Variants in VIPR1 observed in about 807,000 individuals in gnomAD.
The protein encoded by VIPR1 is vasoactive intestinal polypeptide receptor 1.
A neutral mutation model predicts 58.8 loss-of-function variants in VIPR1; 59 were observed. The observed-to-expected ratio is 1.00, with a 90% CI of 0.81 to 1.25. The LOEUF (loss-of-function observed/expected upper bound fraction) is 1.25, where lower values mean the gene tolerates loss of function less well. Ranked by LOEUF, VIPR1 falls within the 50% of genes most tolerant of loss-of-function variation. The probability of loss-of-function intolerance (pLI) is 0.00; values close to 1 mark genes in which losing one functional copy is unlikely to be tolerated. For synonymous variants in VIPR1, 251 were observed against 242.1 expected (o/e 1.04, Z -0.34); for missense variants, 626 against 602.7 (o/e 1.04, Z -0.40).
upstream of VIPR1, among the ~76,000 whole-genome samples, chr3:42,501,493 A>G (rs1699868244): frequency 6.6e-6 from 1 of 151,990 alleles, no homozygotes; most frequent in Admixed American, 6.5e-5. The surrounding 1 kb of genome is among the most constrained non-coding windows in gnomAD (Gnocchi z 4.8). Flanking sequence ...CCGCGACCAC[A>G]TCTCCAGCCT....
At chr3:42,534,909 C>A in intron 10 of VIPR1, 66 bp from the exon 11 acceptor site, 2 of 1,583,548 alleles carry the variant, frequency 1.3e-6, no homozygotes, top group Non-Finnish European at 8.6e-7. Flanking sequence ...TGCCCCCATG[C>A]CACACCCTAT....
chr3:42,519,540 C>T (rs770063095), intron 3 of VIPR1: 1 of 461,206 alleles, frequency 2.2e-6, no homozygotes, highest in East Asian at 3.6e-5. Flanking sequence ...GTGGGAAAGG[C>T]TCACTAAATA....
intron 5 of VIPR1, chr3:42,527,780 G>A (rs1701312598): frequency 1.5e-5 from 11 of 712,760 alleles, no homozygotes; most frequent in Non-Finnish European, 1.4e-5. Flanking sequence ...CCACACACGA[G>A]GTTGAGGCCC....
chr3:42,492,016 G>C (rs1699674708), intron 1 of VIPR1, among the ~76,000 whole-genome samples: 1 of 152,172 alleles, frequency 6.6e-6, no homozygotes, highest in African/African-American at 2.4e-5. Context: ...GATGACCTGA[G>C]ACTGCAAGCA....
intron 1 of VIPR1, among the ~76,000 whole-genome samples, chr3:42,510,822 A>C (rs998395313): frequency 6.6e-6 from 1 of 152,134 alleles, no homozygotes; most frequent in African/African-American, 2.4e-5. Context: ...CCTCTAAGGA[A>C]GGGCTGTGTG....
chr3:42,491,407 A>G (rs1699662654), intron 1 of VIPR1, among the ~76,000 whole-genome samples: 2 of 152,214 alleles, frequency 1.3e-5, no homozygotes, highest in Non-Finnish European at 2.9e-5. Flanking sequence ...GTACACACTC[A>G]AATATTTACA....
upstream of VIPR1, among the ~76,000 whole-genome samples, chr3:42,501,555 T>C (rs577312147): frequency 5.4e-4 from 83 of 152,330 alleles, no homozygotes; most frequent in African/African-American, 1.9e-3. The surrounding 1 kb of genome is among the most constrained non-coding windows in gnomAD (Gnocchi z 4.8). Flanking sequence ...CACCTGCGCT[T>C]GGTCCACAAG....
At chr3:42,532,483 G>A in intron 10 of VIPR1, 150 bp downstream of exon 10, 2 of 804,524 alleles carry the variant, frequency 2.5e-6, no homozygotes, top group South Asian at 1.6e-5. Flanking sequence ...GCCTGGCTCA[G>A]CCCACCACCA....
intron 1 of VIPR1, among the ~76,000 whole-genome samples, chr3:42,497,280 G>A (rs1010348379): frequency 1.3e-5 from 2 of 152,128 alleles, no homozygotes; most frequent in Admixed American, 1.3e-4. Flanking sequence ...CTGAAACTCA[G>A]CCCCTCTCTG....
chr3:42,496,949 C>T (rs1699774041), intron 1 of VIPR1, among the ~76,000 whole-genome samples: 1 of 107,858 alleles, frequency 9.3e-6, no homozygotes, highest in African/African-American at 3.5e-5. Context: ...TTGGGAGTTA[C>T]ATACTTTCTT....
chr3:42,489,435 C>T (rs1699627625), exon 1 of VIPR1: 1 of 152,264 alleles, frequency 6.6e-6, no homozygotes, highest in Non-Finnish European at 1.5e-5. Context: ...GGGGCAGGTG[C>T]TCACTACTGG....
At chr3:42,522,921 G>T (rs1351119935) in intron 3 of VIPR1, among the ~76,000 whole-genome samples, 1 of 152,202 alleles carries the variant, frequency 6.6e-6, no homozygotes, top group Non-Finnish European at 1.5e-5. Context: ...TGGAAGAAAG[G>T]TGGCCCTTGC....
At position 42,531,850 on chromosome 3, in the gene VIPR1, C is replaced by A. The variant is rs753336120; in HGVS notation, c.899C>A (p.Pro300His). 3 of 1,614,034 alleles carry A rather than the reference C, an allele frequency of 1.9e-6. No homozygotes were observed. In the South Asian group the frequency reaches 3.3e-5, roughly 18 times the overall value. ...TCACTGTGGTGGATCATAAAGGGCCCCATCCTCACCTCCATCTTGGTAAGA... is the reference window on the plus strand; with the variant it reads ...TCACTGTGGTGGATCATAAAGGGCCACATCCTCACCTCCATCTTGGTAAGA... ...NSSLWWIIKG[P>H]ILTSILVNFI... Residue 300 changes from proline to histidine, a missense_variant, in exon 9 of 13, where the codon CCC becomes CAC. By Grantham distance (77) the Pro-to-His change is moderately conservative. Coordinates refer to ENST00000325123, the MANE Select transcript of VIPR1 (RefSeq NM_004624.4).
intron 3 of VIPR1, chr3:42,521,403 C>G (rs974860237): frequency 6.6e-6 from 1 of 152,056 alleles, no homozygotes; most frequent in Non-Finnish European, 1.5e-5. Flanking sequence ...TAAGAGACTG[C>G]GATTAGGGAC....
At chr3:42,500,180 A>G (rs1489640513), upstream of VIPR1, 2 of 152,236 alleles carry the variant, frequency 1.3e-5, no homozygotes, top group Non-Finnish European at 2.9e-5. Flanking sequence ...CAAAGGCATC[A>G]GATGCCTTCC....
intron 1 of VIPR1, among the ~76,000 whole-genome samples, chr3:42,493,114 T>C (rs1699695187): frequency 6.6e-6 from 1 of 152,250 alleles, no homozygotes; most frequent in African/African-American, 2.4e-5. Context: ...ACAAGCCATA[T>C]TTCCTGAACC....
At chr3:42,499,084 G>A (rs760719876), upstream of VIPR1, among the ~76,000 whole-genome samples, 3 of 152,056 alleles carry the variant, frequency 2.0e-5, no homozygotes, top group South Asian at 2.1e-4. Context: ...TCAGAAGCCC[G>A]GAGAAAGCAA....
chr3:42,515,578 G>A (rs756004122), intron 2 of VIPR1, among the ~76,000 whole-genome samples: 7 of 152,362 alleles, frequency 4.6e-5, no homozygotes, highest in Admixed American at 1.3e-4. Context: ...CAGCGTTCCC[G>A]TCGGGTGCCA....
chr3:42,500,797 T>C (rs1473824707), upstream of VIPR1, among the ~76,000 whole-genome samples: 16 of 152,172 alleles, frequency 1.1e-4, no homozygotes, highest in Non-Finnish European at 8.8e-5. Flanking sequence ...ACTCCCGCCA[T>C]TGGGAGATCG....
Sources: gnomAD v4.1 joint callset for allele counts (sites outside exome capture counted in the v4.1 genomes callset) on GRCh38, gnomAD v4.1.1 for gene constraint, Gnocchi (gnomAD v3.1) non-coding constraint, MANE v1.5 for transcripts, NCBI Gene and HGNC (gene_info 2026-07-23, HGNC 2026-07-21) for gene names.